WDR25: variants seen among roughly 807,000 people sequenced by gnomAD.
WDR25 encodes the protein WD repeat-containing protein 25.
In WDR25, 35 loss-of-function variants were observed where a neutral mutation model predicts 47.7. The observed-to-expected ratio is 0.73, with a 90% CI of 0.56 to 0.97. The LOEUF is 0.97. Ranked by LOEUF, WDR25 falls within the 50% of genes least tolerant of loss-of-function variation. The pLI is 0.00. For missense variants in WDR25, 634 were observed against 704.7 expected (o/e 0.90, Z 1.14); for synonymous variants, 248 against 278.9 (o/e 0.89, Z 1.10).
At position 100,511,972 on chromosome 14, in the gene WDR25, A is replaced by G. The variant is rs561264652; in HGVS notation, c.1102-13898A>G. ...AAACTTCACTTGATCATAATATATT[A>G]TTCCCTTTGTATAATTTGGAATTAT... On this transcript the variant is annotated intron_variant, in intron 4 of 6. Transcript: ENST00000402312. Among the ~76,000 whole-genome samples, 8 of 152,264 alleles carry G rather than the reference A, an allele frequency of 5.3e-5. No homozygotes were observed. In the South Asian group the frequency reaches 1.7e-3, roughly 32 times the overall value.
chr14:100,430,497 G>A lies in WDR25; in HGVS notation c.823-37524G>A, dbSNP rs996205391. On this transcript the variant is annotated intron_variant, in intron 2 of 6. Coordinates refer to ENST00000402312, the MANE Select transcript of WDR25 (RefSeq NM_001161476.3). The surrounding 1 kb of genome is among the most constrained non-coding windows in gnomAD (Gnocchi z 4.7). ...TTTTATCATCAGCACGTCAGATGGC[G>A]CCTGGCACAAAGTAGGTGCTCACTC... is the stretch of plus-strand genomic sequence containing the variant. Among the ~76,000 whole-genome samples, 4 of 152,162 alleles carry A rather than the reference G, an allele frequency of 2.6e-5. No homozygotes were observed. In the South Asian group the frequency reaches 6.2e-4, roughly 24 times the overall value.
chr14:100,465,137 G>T (rs934168026), intron 2 of WDR25, among the ~76,000 whole-genome samples: 1 of 151,514 alleles, frequency 6.6e-6, no homozygotes, highest in Non-Finnish European at 1.5e-5. Context: ...ACAAATTCAC[G>T]TATAAATGAG....
chr14:100,494,642 T>C (rs1278487841), intron 4 of WDR25, among the ~76,000 whole-genome samples: 1 of 152,226 alleles, frequency 6.6e-6, no homozygotes, highest in Non-Finnish European at 1.5e-5. Context: ...TCACATGTAC[T>C]TCTTAGTCCC....
chr14:100,401,178 G>C (rs368883500), intron 2 of WDR25, among the ~76,000 whole-genome samples: 2 of 152,156 alleles, frequency 1.3e-5, no homozygotes, highest in African/African-American at 4.8e-5. Flanking sequence ...GTCGGCGGCT[G>C]CTCGCTGTTC....
intron 2 of WDR25, among the ~76,000 whole-genome samples, chr14:100,393,804 C>T (rs957072778): frequency 2.8e-4 from 43 of 152,224 alleles, no homozygotes; most frequent in Admixed American, 2.0e-3. Flanking sequence ...GCTCCAAGGC[C>T]GTTAATGGCT....
chr14:100,523,843 G>A lies in WDR25; in HGVS notation c.1102-2027G>A, dbSNP rs1263980725. ...TGAGACTCCCTTTTGGATCCAGCTCGTTAGGCTCGGGTAGCAGCGTCCCAT... is the reference window on the plus strand; with the variant it reads ...TGAGACTCCCTTTTGGATCCAGCTCATTAGGCTCGGGTAGCAGCGTCCCAT... On this transcript the variant is annotated intron_variant, in intron 4 of 6. Coordinates refer to ENST00000402312, the MANE Select transcript of WDR25 (RefSeq NM_001161476.3). The surrounding 1 kb of genome is among the most constrained non-coding windows in gnomAD (Gnocchi z 4.7). Among the ~76,000 whole-genome samples, 1 of 152,140 alleles carries A rather than the reference G, an allele frequency of 6.6e-6. No homozygotes were observed. Among genetic ancestry groups the A allele is most frequent in the Non-Finnish European group, 1.5e-5 (1 of 68,014 alleles).
chr14:100,482,984 G>T (rs983714518), intron 3 of WDR25, among the ~76,000 whole-genome samples: 1 of 152,212 alleles, frequency 6.6e-6, no homozygotes, highest in African/African-American at 2.4e-5. Context: ...TGGGGCAGCT[G>T]CTGTGCCTGG....
At chr14:100,471,639 G>A (rs1899840348) in intron 3 of WDR25, among the ~76,000 whole-genome samples, 1 of 152,222 alleles carries the variant, frequency 6.6e-6, no homozygotes, top group Non-Finnish European at 1.5e-5. Flanking sequence ...TCTCACCGCA[G>A]CGCTTTGGGA....
intron 4 of WDR25, among the ~76,000 whole-genome samples, chr14:100,509,445 C>G (rs114695820): frequency 2.6e-5 from 4 of 152,236 alleles, no homozygotes; most frequent in South Asian, 4.1e-4. Flanking sequence ...ATCACTACCC[C>G]CCAGGCTGCA....
chr14:100,471,795 T>A (rs1595123567), intron 3 of WDR25, among the ~76,000 whole-genome samples: 1 of 152,350 alleles, frequency 6.6e-6, no homozygotes, highest in Non-Finnish European at 1.5e-5. Context: ...TTTATCTCAT[T>A]AATTTATAGT....
At chr14:100,486,610 G>GC (rs1042595169) in intron 4 of WDR25, among the ~76,000 whole-genome samples, 2 of 152,176 alleles carry the variant, frequency 1.3e-5, no homozygotes, top group African/African-American at 4.8e-5. Context: ...AGGAGGCACA[G>GC]CCCCCTGCCC....
chr14:100,426,521 C>T (rs551251935), intron 2 of WDR25, among the ~76,000 whole-genome samples: 13 of 152,386 alleles, frequency 8.5e-5, no homozygotes, highest in South Asian at 2.1e-4. Context: ...CAGACGCCTG[C>T]GTGCGCCCAG....
Position 100,529,969 on chromosome 14 carries a change from C to T in WDR25, c.1563C>T (p.Thr521=). ...LQGHTQACVG[T]TYHPVLPSVL... is the part of the protein sequence containing the mutation. Reference sequence around the variant, plus strand: ...GGCACACACAGGCCTGTGTCGGCACCACCTATCACCCCGTGCTGCCCTCCG... The same window carrying T: ...GGCACACACAGGCCTGTGTCGGCACTACCTATCACCCCGTGCTGCCCTCCG... The change falls in exon 7 of 7, where the codon ACC becomes ACT. Residue 521 remains threonine (T), a synonymous_variant. Coordinates refer to ENST00000402312, the MANE Select transcript of WDR25 (RefSeq NM_001161476.3). The surrounding 1 kb of genome is among the most constrained non-coding windows in gnomAD (Gnocchi z 5.1). The T allele has an allele frequency of 1.9e-6, 3 of 1,613,538 alleles. No individual in the cohort carries two copies. Among genetic ancestry groups the T allele is most frequent in the Non-Finnish European group, 2.5e-6 (3 of 1,180,010 alleles).
intron 2 of WDR25, among the ~76,000 whole-genome samples, chr14:100,418,797 T>C (rs940873935): frequency 6.6e-6 from 1 of 151,906 alleles, no homozygotes; most frequent in Non-Finnish European, 1.5e-5. Flanking sequence ...CCACACCTAC[T>C]CCGGGAGGGA....
At chr14:100,483,728 G>A (rs1241741020) in intron 3 of WDR25, among the ~76,000 whole-genome samples, 1 of 152,166 alleles carries the variant, frequency 6.6e-6, no homozygotes, top group Non-Finnish European at 1.5e-5. Context: ...AATGTGAAAG[G>A]TGCACTCATC....
At chr14:100,376,660 T>A in intron 1 of WDR25, 165 bp downstream of exon 1, 2 of 1,231,700 alleles carry the variant, frequency 1.6e-6, no homozygotes, top group Non-Finnish European at 2.0e-6. Flanking sequence ...TTCTTACTAT[T>A]GACAGCTCAG....
intron 1 of WDR25, among the ~76,000 whole-genome samples, chr14:100,377,776 G>GGT (rs1896751413): frequency 6.6e-6 from 1 of 152,170 alleles, no homozygotes; most frequent in African/African-American, 2.4e-5. Flanking sequence ...TTGGGGGAAA[G>GGT]GTGTGGAAGA....
intron 2 of WDR25, among the ~76,000 whole-genome samples, chr14:100,402,771 C>T (rs1478076515): frequency 1.3e-5 from 2 of 152,204 alleles, no homozygotes; most frequent in East Asian, 1.9e-4. Context: ...GATTCTGAAT[C>T]GGTTTTCTCT....
At chr14:100,379,204 G>A (rs1896808906) in intron 1 of WDR25, among the ~76,000 whole-genome samples, 1 of 152,058 alleles carries the variant, frequency 6.6e-6, no homozygotes, top group Non-Finnish European at 1.5e-5. Context: ...TATCTTCATG[G>A]ATTTATACAT....
Sources: gnomAD v4.1 joint callset for allele counts (sites outside exome capture counted in the v4.1 genomes callset) on GRCh38, gnomAD v4.1.1 for gene constraint, Gnocchi (gnomAD v3.1) non-coding constraint, MANE v1.5 for transcripts, NCBI Gene and HGNC (gene_info 2026-07-23, HGNC 2026-07-21) for gene names.